IL5RA: variants seen among roughly 807,000 people sequenced by gnomAD.
The protein encoded by IL5RA is interleukin 5 receptor subunit alpha.
In IL5RA, 49 loss-of-function variants were observed where a neutral mutation model predicts 50.0. The observed-to-expected ratio is 0.98, with a 90% CI of 0.78 to 1.24. The LOEUF (loss-of-function observed/expected upper bound fraction) is 1.24. Ranked by LOEUF, IL5RA falls within the 50% of genes most tolerant of loss-of-function variation. The probability of loss-of-function intolerance (pLI) is 0.00; values close to 1 mark genes in which losing one functional copy is unlikely to be tolerated. For missense variants in IL5RA, 600 were observed against 500.4 expected (o/e 1.20, Z -1.90); for synonymous variants, 202 against 174.0 (o/e 1.16, Z -1.26).
At chr3:3,098,699 C>A (rs1703483353) in intron 5 of IL5RA, among the ~76,000 whole-genome samples, 1 of 152,136 alleles carries the variant, frequency 6.6e-6, no homozygotes, top group South Asian at 2.1e-4. Context: ...GCCACCATGC[C>A]CGGCCATGAT....
intron 9 of IL5RA, among the ~76,000 whole-genome samples, chr3:3,082,551 G>T (rs753634656): frequency 6.6e-5 from 10 of 152,224 alleles, no homozygotes; most frequent in Non-Finnish European, 1.2e-4. Context: ...GGGGACCTCA[G>T]TTTCCATTAT....
intron 9 of IL5RA, among the ~76,000 whole-genome samples, chr3:3,079,828 G>C (rs889148107): frequency 6.6e-6 from 1 of 152,162 alleles, no homozygotes; most frequent in East Asian, 1.9e-4. Context: ...GAGGTCAGGC[G>C]TTTGAGACCA....
rs142806481 is a variant in IL5RA, at chr3:3,097,876, C to T, written c.703G>A (p.Ala235Thr). 4.3e-6 allele frequency: 7 copies of T among 1,612,534 alleles called. No individual in the cohort carries two copies. Among genetic ancestry groups the T allele is most frequent in the Middle Eastern group, 1.6e-4 (1 of 6,072 alleles). Residue 235 changes from alanine (A) to threonine (T), a missense_variant, in exon 7 of 12, where the codon GCC becomes ACC. Ala to Thr is a moderately conservative substitution (Grantham distance 58). Coordinates refer to ENST00000446632, the MANE Select transcript of IL5RA (RefSeq NM_175726.4). ...RPFDQLFALH[A>T]IDQINPPLNV... ...TGGGTTAAGTCGGTCTTACCAATGGCGTGAAGGGCAAACAGCTGATCAAAG... is the reference window on the plus strand; with the variant it reads ...TGGGTTAAGTCGGTCTTACCAATGGTGTGAAGGGCAAACAGCTGATCAAAG...
At chr3:3,089,518 C>T (rs1432356834) in intron 9 of IL5RA, among the ~76,000 whole-genome samples, 2 of 152,196 alleles carry the variant, frequency 1.3e-5, no homozygotes, top group Non-Finnish European at 2.9e-5. Flanking sequence ...AACATTTTGG[C>T]ATGTGCCTGA....
chr3:3,069,327 C>A lies in IL5RA; in HGVS notation c.*898G>T, dbSNP rs1702223063. 1 of 152,152 alleles carries A rather than the reference C, an allele frequency of 6.6e-6. No homozygotes were observed. Among genetic ancestry groups the A allele is most frequent in the Non-Finnish European group, 1.5e-5 (1 of 68,038 alleles). 9.4% of individuals were successfully genotyped at this position (152,152 alleles called of 1,614,324 possible). ...TGGAATGGCCTTGTAGAAACTTTTC[C>A]AAACTTGAGAGACTAGGATTGATCT... On this transcript the variant is annotated 3_prime_UTR_variant, in exon 12 of 12. Transcript: ENST00000446632.
At chr3:3,084,130 C>G (rs1048518348) in intron 9 of IL5RA, among the ~76,000 whole-genome samples, 2 of 151,814 alleles carry the variant, frequency 1.3e-5, no homozygotes, top group Non-Finnish European at 2.9e-5. Flanking sequence ...GGTAGCCTCT[C>G]CAGCTTCTAT....
At chr3:3,089,560 G>T (rs1703005404) in intron 9 of IL5RA, among the ~76,000 whole-genome samples, 1 of 152,090 alleles carries the variant, frequency 6.6e-6, no homozygotes, top group African/African-American at 2.4e-5. Flanking sequence ...CTCTTCCAAT[G>T]GTTGATGAAT....
chr3:3,092,220 T>C lies in IL5RA; in HGVS notation c.994+4A>G. ...CCAATGTAAAATAAACATAAGCTAC[T>C]TACCCACATAAATAGGTTGGCTCCA... is the stretch of plus-strand genomic sequence containing the variant. On this transcript the variant is annotated splice_donor_region_variant and intron_variant, in intron 9 of 11. Coordinates refer to ENST00000446632, the MANE Select transcript of IL5RA (RefSeq NM_175726.4). This position sits in a 1 kb window ranked among gnomAD's most constrained non-coding sequence, Gnocchi z 4.2. The C allele has an allele frequency of 1.9e-6, 3 of 1,611,936 alleles. No homozygotes were observed. In the South Asian group the frequency reaches 3.3e-5, roughly 18 times the overall value.
At chr3:3,105,624 T>TTCCCC (rs576221214) in intron 2 of IL5RA, 1 of 139,752 alleles carries the variant, frequency 7.2e-6, no homozygotes, top group Non-Finnish European at 1.5e-5. Flanking sequence ...TTTGTTTTGT[T>TTCCCC]CCCCCCCCCA....
intron 11 of IL5RA, among the ~76,000 whole-genome samples, chr3:3,071,831 C>G (rs1429608462): frequency 6.6e-6 from 1 of 152,190 alleles, no homozygotes; most frequent in East Asian, 1.9e-4. Context: ...GTCAAATGAT[C>G]TGCCCATTTT....
At position 3,073,624 on chromosome 3, in the gene IL5RA, GA is replaced by G. The variant is rs879316842; in HGVS notation, c.1176+1157del. ...TGACAAAGTGCAATAATCATACACT[GA>G]AAAATCACAAACCATTGCTGAGAGA... On this transcript the variant is annotated intron_variant, in intron 11 of 11. Transcript: ENST00000446632. 3 of 301,140 alleles carry G rather than the reference GA, an allele frequency of 1.0e-5. No homozygotes were observed. The East Asian group carries it at 2.9e-4, about 29-fold the overall frequency. The allele number at this position is 301,140 out of a possible 1,614,324, so 18.7% of individuals were successfully genotyped here.
intron 9 of IL5RA, 42 bp from the exon 10 acceptor site, chr3:3,076,669 A>G: frequency 7.8e-7 from 1 of 1,282,824 alleles, no homozygotes; most frequent in African/African-American, 1.5e-5. Flanking sequence ...ATAAAGTCCA[A>G]GTTAGAAGCA....
chr3:3,082,731 C>G (rs1209373403), intron 9 of IL5RA, among the ~76,000 whole-genome samples: 1 of 152,196 alleles, frequency 6.6e-6, no homozygotes, highest in Non-Finnish European at 1.5e-5. Flanking sequence ...CCAGCTCTGC[C>G]TCTGGGAGCT....
In IL5RA at chr3:3,096,051, G is replaced by T. The variant is rs554242677; in HGVS notation, c.710-607C>A. Among the ~76,000 whole-genome samples, 198 of 152,272 alleles carry T rather than the reference G, an allele frequency of 1.3e-3. 2 individuals carry two copies. The highest frequency in any genetic ancestry group is 6.8e-3 in the Middle Eastern group (2 of 294). On this transcript the variant is annotated intron_variant, in intron 7 of 11. Coordinates refer to ENST00000446632, the MANE Select transcript of IL5RA (RefSeq NM_175726.4). The stretch of plus-strand genomic sequence containing the variant: ...CCCAGCACTTTGGGAGGCCGAGGCG[G>T]GTGGATCACGAGGTCAGGAGATCGA...
At chr3:3,087,398 C>A in intron 9 of IL5RA, among the ~76,000 whole-genome samples, 1 of 152,282 alleles carries the variant, frequency 6.6e-6, no homozygotes, top group South Asian at 2.1e-4. Flanking sequence ...ACAGCACCCC[C>A]AGCCTCTCCC....
Position 3,078,778 on chromosome 3 carries a change from G to A in IL5RA, c.995-2151C>T, listed in dbSNP as rs367716866. Among the ~76,000 whole-genome samples the A allele has an allele frequency of 2.0e-4, 31 of 151,590 alleles. 1 individual carries two copies. Among genetic ancestry groups the A allele is most frequent in the African/African-American group, 7.5e-4 (31 of 41,350 alleles). ...GAACCTGGGAAGTGGAGGTTGTGGT[G>A]AGCTGAGATCCCGCCACTGCACTCC... On this transcript the variant is annotated intron_variant, in intron 9 of 11. Transcript: ENST00000446632.
intron 3 of IL5RA, among the ~76,000 whole-genome samples, chr3:3,103,208 T>C (rs1245272993): frequency 6.6e-6 from 1 of 152,194 alleles, no homozygotes; most frequent in Non-Finnish European, 1.5e-5. Flanking sequence ...CAAAACTGTT[T>C]TTAATATCTT....
intron 10 of IL5RA, among the ~76,000 whole-genome samples, chr3:3,075,359 C>T (rs185535590): frequency 2.1e-3 from 313 of 151,810 alleles, no homozygotes; most frequent in Non-Finnish European, 3.3e-3. Context: ...CATGCCACTG[C>T]GCTCAGCTAA....
intron 11 of IL5RA, among the ~76,000 whole-genome samples, chr3:3,074,344 G>C (rs1702405450): frequency 6.6e-6 from 1 of 152,158 alleles, no homozygotes; most frequent in Admixed American, 6.5e-5. Flanking sequence ...AGAACTCAGA[G>C]GGTTGAAGAG....
Sources: gnomAD v4.1 joint callset for allele counts (sites outside exome capture counted in the v4.1 genomes callset) on GRCh38, gnomAD v4.1.1 for gene constraint, Gnocchi (gnomAD v3.1) non-coding constraint, MANE v1.5 for transcripts, NCBI Gene and HGNC (gene_info 2026-07-23, HGNC 2026-07-21) for gene names.